Variants in GPR141 observed in about 807,000 individuals in gnomAD.
GPR141 encodes G protein-coupled receptor 141.
In GPR141, 6 loss-of-function variants were observed where a neutral mutation model predicts 6.8. That is an observed-to-expected ratio of 0.88 (90% CI 0.48 to 1.74). The LOEUF is 1.74. GPR141 is among the 40% of genes most tolerant of loss of function. GPR141 has a pLI of 0.01. For missense variants in GPR141, 372 were observed against 372.9 expected, an observed-to-expected ratio of 1.00 and a Z score of 0.02; for synonymous variants, 140 against 142.3, an observed-to-expected ratio of 0.98 and a Z score of 0.11.
chr7:37,710,675 G>A (rs954118637), intron 2 of GPR141, among the ~76,000 whole-genome samples: 4 of 152,134 alleles, frequency 2.6e-5, no homozygotes, highest in Non-Finnish European at 5.9e-5. Context: ...TACTTTTAGT[G>A]GGAAATGGTA....
chr7:37,727,323 GT>G, intron 2 of GPR141, among the ~76,000 whole-genome samples: 1 of 152,136 alleles, frequency 6.6e-6, no homozygotes, highest in East Asian at 1.9e-4. Context: ...TGTTCTTGGG[GT>G]TTTTTAGCTT....
At chr7:37,696,315 C>T (rs1810012604) in intron 2 of GPR141, among the ~76,000 whole-genome samples, 1 of 152,172 alleles carries the variant, frequency 6.6e-6, no homozygotes, top group Non-Finnish European at 1.5e-5. Flanking sequence ...GTTAAATACA[C>T]TTTCAATTTA....
In GPR141 at chr7:37,701,859, T is replaced by C. The variant is rs1014583056; in HGVS notation, c.-15+16276T>C. ...GTTCAGGTTAGGATTCAGCAGCTGC[T>C]CGAAAATCATTAGGTAAATGTTTAT... is the stretch of plus-strand genomic sequence containing the variant. On this transcript the variant is annotated intron_variant, in intron 2 of 2. Transcript: ENST00000334425. Among the ~76,000 whole-genome samples, 4 of 152,242 alleles carry C rather than the reference T, an allele frequency of 2.6e-5. No individual in the cohort carries two copies. In the East Asian group the frequency reaches 7.7e-4, roughly 29 times the overall value.
chr7:37,735,887 G>A (rs892947959), intron 2 of GPR141, among the ~76,000 whole-genome samples: 1 of 152,180 alleles, frequency 6.6e-6, no homozygotes, highest in African/African-American at 2.4e-5. Context: ...AGAACTGAAA[G>A]TATTTCATAT....
intron 2 of GPR141, among the ~76,000 whole-genome samples, chr7:37,711,603 A>G (rs1397826856): frequency 1.3e-5 from 2 of 152,214 alleles, no homozygotes; most frequent in Non-Finnish European, 2.9e-5. Flanking sequence ...AATCCTTAAG[A>G]AAGATTCTCC....
At chr7:37,690,444 C>T (rs897626730) in intron 2 of GPR141, among the ~76,000 whole-genome samples, 1 of 152,102 alleles carries the variant, frequency 6.6e-6, no homozygotes, top group Admixed American at 6.5e-5. Flanking sequence ...TTTCACAGTG[C>T]GACGTGCCTG....
chr7:37,694,670 G>A (rs1194194755), intron 2 of GPR141, among the ~76,000 whole-genome samples: 2 of 152,202 alleles, frequency 1.3e-5, no homozygotes, highest in Non-Finnish European at 2.9e-5. Flanking sequence ...TGGCAAGAGA[G>A]GAAGCAAGAG....
chr7:37,699,071 C>T (rs1810154829), intron 2 of GPR141, among the ~76,000 whole-genome samples: 1 of 152,188 alleles, frequency 6.6e-6, no homozygotes, highest in African/African-American at 2.4e-5. Context: ...GAATGAATTC[C>T]TGCCTGTCTG....
At chr7:37,698,845 T>G (rs948886093) in intron 2 of GPR141, among the ~76,000 whole-genome samples, 6 of 152,238 alleles carry the variant, frequency 3.9e-5, no homozygotes, top group Non-Finnish European at 7.3e-5. Context: ...ATTTGAATTG[T>G]GAAAGGTGAA....
At chr7:37,714,274 T>C (rs1450181) in intron 2 of GPR141, among the ~76,000 whole-genome samples, 110,103 of 152,084 alleles carry the variant, frequency 0.72, 40,056 homozygotes, top group East Asian at 0.86. Context: ...TATTTTTCTC[T>C]TCTCTTATTT....
chr7:37,725,458 C>G (rs1811579399), intron 2 of GPR141, among the ~76,000 whole-genome samples: 2 of 152,280 alleles, frequency 1.3e-5, no homozygotes, highest in Non-Finnish European at 2.9e-5. Context: ...CCTCCTAGTC[C>G]TCTAACCAGG....
chr7:37,740,714 G>A lies in GPR141; in HGVS notation c.321G>A (p.Val107=). The A allele has an allele frequency of 6.2e-7, 1 of 1,614,030 alleles. No individual in the cohort carries two copies. The highest frequency in any genetic ancestry group is 8.5e-7 in the Non-Finnish European group (1 of 1,179,966). ...TGTACCTCACGTTCCTATTCTATGT[G>A]GTGATCCTGGTCACCAGATACCTCA... ...IHMYLTFLFY[V]VILVTRYLIF... The change falls in exon 3 of 3, where the codon GTG becomes GTA. Residue 107 remains valine (V), a synonymous_variant. Coordinates refer to ENST00000334425, the MANE Select transcript of GPR141 (RefSeq NM_001381946.1).
At chr7:37,704,281 T>C (rs1810424654) in intron 2 of GPR141, among the ~76,000 whole-genome samples, 1 of 152,130 alleles carries the variant, frequency 6.6e-6, no homozygotes, top group Non-Finnish European at 1.5e-5. Flanking sequence ...GCTTTGTGTG[T>C]GTGTTAGTCT....
intron 2 of GPR141, among the ~76,000 whole-genome samples, chr7:37,712,230 T>C (rs1810833608): frequency 6.6e-6 from 1 of 152,110 alleles, no homozygotes; most frequent in Admixed American, 6.6e-5. Flanking sequence ...TGGCCTTTGG[T>C]ACACAGCAAG....
chr7:37,692,627 A>G (rs571959799), intron 2 of GPR141, among the ~76,000 whole-genome samples: 125 of 152,270 alleles, frequency 8.2e-4, no homozygotes, highest in African/African-American at 2.7e-3. Context: ...GTGTAAAAGC[A>G]TACGTATTTC....
At chr7:37,708,997 A>T (rs967223033) in intron 2 of GPR141, among the ~76,000 whole-genome samples, 1 of 152,208 alleles carries the variant, frequency 6.6e-6, no homozygotes, top group African/African-American at 2.4e-5. Flanking sequence ...TAAGCCGAGT[A>T]AAATTATATA....
At chr7:37,704,786 T>C (rs541845149) in intron 2 of GPR141, among the ~76,000 whole-genome samples, 3 of 152,234 alleles carry the variant, frequency 2.0e-5, no homozygotes, top group Non-Finnish European at 4.4e-5. Context: ...TCTGCTTTTA[T>C]ACTCATTTAC....
intron 2 of GPR141, among the ~76,000 whole-genome samples, chr7:37,736,459 C>T (rs73691195): frequency 0.079 from 11,641 of 147,978 alleles, 781 homozygotes; most frequent in African/African-American, 0.18. Context: ...AGACATTAAC[C>T]TATAAATTTA....
At chr7:37,727,729 G>T (rs538725612) in intron 2 of GPR141, among the ~76,000 whole-genome samples, 39 of 152,258 alleles carry the variant, frequency 2.6e-4, no homozygotes, top group Non-Finnish European at 3.2e-4. Context: ...TCCTAGGTGG[G>T]TGTCATCTTG....
Sources: gnomAD v4.1 joint callset for allele counts (sites outside exome capture counted in the v4.1 genomes callset) on GRCh38, gnomAD v4.1.1 for gene constraint, MANE v1.5 for transcripts, NCBI Gene and HGNC (gene_info 2026-07-23, HGNC 2026-07-21) for gene names.